The following LARGE1 variants were observed in gnomAD, a reference collection of about 807,000 sequenced individuals.
The protein encoded by LARGE1 is xylosyl- and glucuronyltransferase LARGE1.
Under a neutral mutation model 87.6 loss-of-function variants are expected in LARGE1, and 43 were observed. The ratio of observed to expected loss-of-function variants is 0.49; its 90% CI spans 0.38 to 0.63. LARGE1 has a LOEUF of 0.63. Among genes scored for constraint, LARGE1 ranks in the 30% least tolerant of loss-of-function variants. The pLI, the probability that LARGE1 is intolerant of heterozygous loss-of-function variation, is 0.00. For synonymous variants in LARGE1, 434 were observed against 394.6 expected (o/e 1.10, Z -1.18); for missense variants, 802 against 1,000.2 (o/e 0.80, Z 2.67).
At chr22:33,843,471 A>AT (rs2063341346) in intron 1 of LARGE1, among the ~76,000 whole-genome samples, 1 of 147,120 alleles carries the variant, frequency 6.8e-6, no homozygotes, top group South Asian at 2.2e-4. Flanking sequence ...AAATAAATAA[A>AT]AATAAAAAAT....
intron 11 of LARGE1, among the ~76,000 whole-genome samples, chr22:33,219,482 T>TTTTCTATGAA (rs1187118914): frequency 1.3e-5 from 2 of 152,204 alleles, no homozygotes; most frequent in Non-Finnish European, 2.9e-5. Context: ...ATTGAGAAAC[T>TTTTCTATGAA]TTTCTATGAA....
At chr22:33,592,850 G>T (rs933913320) in intron 5 of LARGE1, among the ~76,000 whole-genome samples, 2 of 26,368 alleles carry the variant, frequency 7.6e-5, no homozygotes, top group Non-Finnish European at 1.4e-4. Context: ...TTGTGTGTGT[G>T]TATTTTTTGA....
At chr22:33,610,988 G>A (rs1253579798) in intron 4 of LARGE1, among the ~76,000 whole-genome samples, 1 of 152,228 alleles carries the variant, frequency 6.6e-6, no homozygotes, top group Non-Finnish European at 1.5e-5. Flanking sequence ...AGCCTGTCAG[G>A]ACGGAGAGTG....
chr22:33,780,472 G>A (rs1382398427), intron 1 of LARGE1, among the ~76,000 whole-genome samples: 1 of 152,182 alleles, frequency 6.6e-6, no homozygotes, highest in Non-Finnish European at 1.5e-5. Flanking sequence ...GGCAGCTGGA[G>A]GATGGACAGC....
At chr22:33,345,756 T>C (rs902810071) in intron 9 of LARGE1, among the ~76,000 whole-genome samples, 1 of 152,138 alleles carries the variant, frequency 6.6e-6, no homozygotes, top group Admixed American at 6.5e-5. Context: ...CTATCACCCA[T>C]CAAGGGCACA....
intron 1 of LARGE1, among the ~76,000 whole-genome samples, chr22:33,877,385 AT>A (rs576074969): frequency 1.3e-5 from 2 of 151,870 alleles, no homozygotes; most frequent in Non-Finnish European, 1.5e-5. Flanking sequence ...CTCCAAAAAA[AT>A]TTTTTTTCCC....
Position 33,422,310 on chromosome 22 carries a change from C to T in LARGE1, c.892+9851G>A, listed in dbSNP as rs1368329952. On this transcript the variant is annotated intron_variant, in intron 7 of 14. Coordinates refer to ENST00000397394, the MANE Select transcript of LARGE1 (RefSeq NM_133642.5). ...TGTTGCTACAGGGAAATACCCAAGACTGGGTAATTTATAAAGAAAAGTCAT... is the reference window on the plus strand; with the variant it reads ...TGTTGCTACAGGGAAATACCCAAGATTGGGTAATTTATAAAGAAAAGTCAT... Among the ~76,000 whole-genome samples the T allele has an allele frequency of 2.0e-5, 3 of 152,292 alleles. No homozygotes were observed. In the East Asian group the frequency reaches 5.8e-4, roughly 29 times the overall value.
intron 6 of LARGE1, among the ~76,000 whole-genome samples, chr22:33,538,987 A>G (rs898190370): frequency 6.6e-6 from 1 of 152,260 alleles, no homozygotes; most frequent in Admixed American, 6.5e-5. Flanking sequence ...TTTAAAAATT[A>G]AAATACATTA....
chr22:33,437,677 A>G (rs1010218573), intron 6 of LARGE1, among the ~76,000 whole-genome samples: 2 of 152,146 alleles, frequency 1.3e-5, no homozygotes, highest in African/African-American at 4.8e-5. Context: ...CTTAGCTGAC[A>G]TGGCCCTTAG....
At chr22:33,088,813 C>A in the LARGE1 span, among the ~76,000 whole-genome samples, 1 of 152,188 alleles carries the variant, frequency 6.6e-6, no homozygotes, top group African/African-American at 2.4e-5. Flanking sequence ...AGACTTTGAG[C>A]ACATTAACTT....
intron 6 of LARGE1, among the ~76,000 whole-genome samples, chr22:33,546,680 G>A (rs1331056583): frequency 6.6e-6 from 1 of 152,160 alleles, no homozygotes; most frequent in African/African-American, 2.4e-5. Context: ...TGCCTCCTGT[G>A]TTCAAGAAAT....
chr22:33,488,473 A>T (rs945631463), intron 6 of LARGE1, among the ~76,000 whole-genome samples: 4 of 152,226 alleles, frequency 2.6e-5, no homozygotes, highest in Non-Finnish European at 5.9e-5. Context: ...TTCATGGTTA[A>T]CAGAGTGAGG....
At chr22:33,858,315 C>G (rs374668728) in intron 1 of LARGE1, among the ~76,000 whole-genome samples, 1 of 152,202 alleles carries the variant, frequency 6.6e-6, no homozygotes, top group African/African-American at 2.4e-5. Flanking sequence ...GGACAGCAAG[C>G]GAAAGCTCAG....
At chr22:33,409,947 T>C (rs1270484826) in intron 7 of LARGE1, among the ~76,000 whole-genome samples, 1 of 151,410 alleles carries the variant, frequency 6.6e-6, no homozygotes, top group Admixed American at 6.6e-5. Flanking sequence ...CAGTGATGGC[T>C]AGAAAAATAG....
chr22:33,865,126 G>A (rs2064048391), intron 1 of LARGE1, among the ~76,000 whole-genome samples: 1 of 152,198 alleles, frequency 6.6e-6, no homozygotes, highest in East Asian at 1.9e-4. Context: ...TTCCACGTCT[G>A]TGCAGGACAA....
intron 1 of LARGE1, among the ~76,000 whole-genome samples, chr22:33,867,218 G>A (rs2146643724): frequency 6.6e-6 from 1 of 152,298 alleles, no homozygotes; most frequent in African/African-American, 2.4e-5. Flanking sequence ...ACTCATAAAT[G>A]ATCATAAAGC....
chr22:33,432,374 A>G, intron 6 of LARGE1, 109 bp from the exon 7 acceptor site: 2 of 807,330 alleles, frequency 2.5e-6, no homozygotes, highest in Non-Finnish European at 4.2e-6. Context: ...AACAGTATTC[A>G]CTTACTGAGA....
At chr22:33,612,179 C>T (rs1325710999) in intron 4 of LARGE1, among the ~76,000 whole-genome samples, 1 of 151,156 alleles carries the variant, frequency 6.6e-6, no homozygotes, top group Non-Finnish European at 1.5e-5. Flanking sequence ...TCTTGGCTCA[C>T]TGCAACCTCC....
the LARGE1 span, among the ~76,000 whole-genome samples, chr22:33,113,295 C>A: frequency 1.3e-5 from 2 of 151,048 alleles, no homozygotes; most frequent in African/African-American, 4.9e-5. Context: ...ACAACCTCTG[C>A]CTCCCAGGTT....
Sources: gnomAD v4.1 joint callset for allele counts (sites outside exome capture counted in the v4.1 genomes callset) on GRCh38, gnomAD v4.1.1 for gene constraint, MANE v1.5 for transcripts, NCBI Gene and HGNC (gene_info 2026-07-23, HGNC 2026-07-21) for gene names.